Variants in UNK observed in about 807,000 individuals in gnomAD.
UNK encodes the protein RING finger protein unkempt homolog.
A neutral mutation model predicts 97.6 loss-of-function variants in UNK; 32 were observed. That is an observed-to-expected ratio of 0.33 (90% CI 0.25 to 0.44). The LOEUF is 0.44. Ranked by LOEUF, UNK falls within the 20% of genes least tolerant of loss-of-function variation. The probability of loss-of-function intolerance (pLI) is 1.00; values close to 1 mark genes in which losing one functional copy is unlikely to be tolerated. For missense variants in UNK, 771 were observed against 1,098.4 expected (o/e 0.70, Z 4.21); for synonymous variants, 441 against 461.2 (o/e 0.96, Z 0.56).
intron 13 of UNK, chr17:75,821,137 G>A (rs1426617170): frequency 3.5e-6 from 1 of 287,384 alleles, no homozygotes; most frequent in Non-Finnish European, 6.9e-6. Context: ...CTGCAGCCTG[G>A]AACTCCTGAG....
At chr17:75,788,394 G>C (rs2061732830) in intron 1 of UNK, among the ~76,000 whole-genome samples, 1 of 152,136 alleles carries the variant, frequency 6.6e-6, no homozygotes, top group Non-Finnish European at 1.5e-5. Flanking sequence ...TGGCCAGGCT[G>C]ATCTCGAACT....
chr17:75,812,371 C>T, intron 3 of UNK, 83 bp downstream of exon 3: 1 of 1,582,276 alleles, frequency 6.3e-7, no homozygotes, highest in Non-Finnish European at 8.6e-7. Flanking sequence ...GTGAGTACCT[C>T]AGACTGCAGT....
chr17:75,786,576 GC>G (rs1174517279), intron 1 of UNK, among the ~76,000 whole-genome samples: 1 of 152,182 alleles, frequency 6.6e-6, no homozygotes, highest in Non-Finnish European at 1.5e-5. Context: ...TGTCTTTCCT[GC>G]CGGGCGTGGT....
At chr17:75,785,172 G>T in intron 1 of UNK, 188 bp downstream of exon 1, 1 of 518,678 alleles carries the variant, frequency 1.9e-6, no homozygotes, top group Non-Finnish European at 3.4e-6. Flanking sequence ...ACCTCTGGTC[G>T]GGCTGTGGGG....
chr17:75,790,066 C>G lies in UNK; in HGVS notation c.104+5082C>G, dbSNP rs187207737. Among the ~76,000 whole-genome samples the G allele has an allele frequency of 5.4e-3, 815 of 152,264 alleles. 3 individuals are homozygous for G. The highest frequency in any genetic ancestry group is 0.021 in the East Asian group (108 of 5,178). ...GCTGAGGCAGGAGAATCATTTGAAC[C>G]TGGGAGGCGGAGGTTGCAGTGAGCC... On this transcript the variant is annotated intron_variant, in intron 1 of 15. Transcript: ENST00000589666.
At chr17:75,786,042 C>T (rs1176403359) in intron 1 of UNK, 1 of 152,166 alleles carries the variant, frequency 6.6e-6, no homozygotes, top group African/African-American at 2.4e-5. Context: ...TATAGAAGAC[C>T]TTGGGAAACT....
intron 1 of UNK, among the ~76,000 whole-genome samples, chr17:75,791,046 T>C (rs367812270): frequency 3.9e-5 from 6 of 152,230 alleles, no homozygotes; most frequent in African/African-American, 1.4e-4. Context: ...AGACTAATCA[T>C]GTCTTCATGC....
chr17:75,815,619 T>G (rs1186064104), intron 7 of UNK, among the ~76,000 whole-genome samples: 1 of 152,252 alleles, frequency 6.6e-6, no homozygotes, highest in Non-Finnish European at 1.5e-5. Context: ...TCTTCTCTGC[T>G]GAGTCCTGCT....
Position 75,816,473 on chromosome 17 carries a change from G to C in UNK, c.962-297G>C, listed in dbSNP as rs1468954092. Among the ~76,000 whole-genome samples, 2 of 152,178 alleles carry C rather than the reference G, an allele frequency of 1.3e-5. No individual in the cohort carries two copies. Among genetic ancestry groups the C allele is most frequent in the South Asian group, 2.1e-4 (1 of 4,822 alleles). ...CAAGACCCAGCTCCTCTGTGTTTTAGCTCTGTCACTTTGGTGGGTTTACCT... is the reference window on the plus strand; with the variant it reads ...CAAGACCCAGCTCCTCTGTGTTTTACCTCTGTCACTTTGGTGGGTTTACCT... On this transcript the variant is annotated intron_variant, in intron 7 of 15. Transcript: ENST00000589666. The surrounding 1 kb of genome is among the most constrained non-coding windows in gnomAD (Gnocchi z 4.0).
At chr17:75,820,397 G>A (rs1017342929) in intron 13 of UNK, among the ~76,000 whole-genome samples, 1 of 152,228 alleles carries the variant, frequency 6.6e-6, no homozygotes, top group Non-Finnish European at 1.5e-5. Context: ...CGAGGCCAGT[G>A]CAGGTGAGAG....
In UNK at chr17:75,817,730, T is replaced by C. The variant is rs1301267939; in HGVS notation, c.1305+204T>C. On this transcript the variant is annotated intron_variant, in intron 9 of 15. Coordinates refer to ENST00000589666, the MANE Select transcript of UNK (RefSeq NM_001080419.3). The surrounding 1 kb of genome is among the most constrained non-coding windows in gnomAD (Gnocchi z 5.8). Reference sequence around the variant, plus strand: ...GGAAGGCTGGGGAGGCTGCATAGCCTCCCCTGGGCTGCAGAGCTGGTTAGG... The same window carrying C: ...GGAAGGCTGGGGAGGCTGCATAGCCCCCCCTGGGCTGCAGAGCTGGTTAGG... Among the ~76,000 whole-genome samples the C allele has an allele frequency of 6.6e-6, 1 of 151,990 alleles. No homozygotes were observed. The highest frequency in any genetic ancestry group is 1.5e-5 in the Non-Finnish European group (1 of 67,970).
In UNK at chr17:75,816,886, A is replaced by G. The variant is rs746943013; in HGVS notation, c.1078A>G (p.Ser360Gly). The G allele has an allele frequency of 8.1e-6, 13 of 1,605,790 alleles. No homozygotes were observed. The highest frequency in any genetic ancestry group is 1.1e-5 in the South Asian group (1 of 90,600). ...AGDSVPVSPSSPHAPDLSALL... is the reference protein window; with the variant it reads ...AGDSVPVSPSGPHAPDLSALL... ...AGACTCGGTGCCTGTGAGCCCCTCCAGCCCGCATGCCCCTGACCTCAGTGC... is the reference window on the plus strand; with the variant it reads ...AGACTCGGTGCCTGTGAGCCCCTCCGGCCCGCATGCCCCTGACCTCAGTGC... Residue 360 changes from serine to glycine, a missense_variant, in exon 8 of 16, where the codon AGC becomes GGC. Transcript: ENST00000589666. The surrounding 1 kb of genome is among the most constrained non-coding windows in gnomAD (Gnocchi z 4.0).
At chr17:75,810,046 A>T in intron 2 of UNK, 77 bp downstream of exon 2, 1 of 1,552,072 alleles carries the variant, frequency 6.4e-7, no homozygotes, top group Non-Finnish European at 8.8e-7. Context: ...GGCTGGGCAG[A>T]TTCTGGGAAG....
At position 75,813,198 on chromosome 17, in the gene UNK, G is replaced by A. The variant is rs1046519295; in HGVS notation, c.743G>A (p.Arg248Gln). The A allele has an allele frequency of 4.4e-6, 7 of 1,585,786 alleles. No homozygotes were observed. Among genetic ancestry groups the A allele is most frequent in the South Asian group, 2.3e-5 (2 of 87,110 alleles). The stretch of plus-strand genomic sequence containing the variant: ...AGCAAGGACCGGCGGCGGAGCCCCC[G>A]GAAGCACAAATACAGGTCCTTAGGC... ...HNSKDRRRSP[R>Q]KHKYRSSPCP... The change falls in exon 5 of 16, where the codon CGG becomes CAG. Residue 248 changes from arginine to glutamine, a missense_variant. Physicochemically the swap from Arg to Gln is conservative, Grantham distance 43. Around this residue, in one of 5 missense-constraint regions of UNK, gnomAD observed 246 missense variants for 440.7 expected, o/e 0.56. Transcript: ENST00000589666.
chr17:75,801,649 C>G (rs551524873), intron 1 of UNK, among the ~76,000 whole-genome samples: 11 of 151,292 alleles, frequency 7.3e-5, no homozygotes, highest in South Asian at 2.1e-4. Context: ...TGGGCTCAAG[C>G]GATTCTCCTG....
rs2061953038 is a variant in UNK at position 75,809,931 on chromosome 17, G to C, written c.276G>C (p.Lys92Asn). 8.7e-6 allele frequency: 14 copies of C among 1,613,610 alleles called. No homozygotes were observed. Among genetic ancestry groups the C allele is most frequent in the Non-Finnish European group, 1.0e-5 (12 of 1,179,904 alleles). Residue 92 changes from lysine (K) to asparagine (N), a missense_variant, in exon 2 of 16, where the codon AAG becomes AAC. Coordinates refer to ENST00000589666, the MANE Select transcript of UNK (RefSeq NM_001080419.3). The stretch of plus-strand genomic sequence containing the variant: ...ACAGCCCTGACGTCTACTGCACCAA[G>C]TACGACGAGGCTACAGGCCTCTGCC... ...FNYSPDVYCT[K>N]YDEATGLCPE...
intron 1 of UNK, among the ~76,000 whole-genome samples, chr17:75,803,753 G>T (rs933221325): frequency 6.6e-6 from 1 of 152,160 alleles, no homozygotes; most frequent in African/African-American, 2.4e-5. Flanking sequence ...GCCCTGCCGC[G>T]CAGTAGTTTG....
In UNK at chr17:75,817,500, G is replaced by A. The variant is rs1470788480; in HGVS notation, c.1279G>A (p.Glu427Lys). Residue 427 changes from glutamate (E) to lysine (K), a missense_variant, in exon 9 of 16, where the codon GAG (glutamate) becomes AAG (lysine). Physicochemically the swap from Glu to Lys is moderately conservative, Grantham distance 56. This residue lies in a region of UNK where 192 missense variants were observed against 202.4 expected (regional missense o/e 0.95). Coordinates refer to ENST00000589666, the MANE Select transcript of UNK (RefSeq NM_001080419.3). The surrounding 1 kb of genome is among the most constrained non-coding windows in gnomAD (Gnocchi z 5.8). ...GFEREDQVGA[E>K]YLKNFKCQAK... ...CGAGAGGGAAGACCAGGTGGGAGCC[G>A]AGTACCTGAAAAATTTCAAATGCCA... 8.1e-6 allele frequency: 13 copies of A among 1,610,358 alleles called. No individual in the cohort carries two copies. In the Admixed American group the frequency reaches 1.2e-4, roughly 15 times the overall value.
chr17:75,816,883 T>G lies in UNK; in HGVS notation c.1075T>G (p.Ser359Ala). Residue 359 changes from serine to alanine, a missense_variant, in exon 8 of 16, where the codon TCC becomes GCC. By Grantham distance (99) the Ser-to-Ala change is moderately conservative. Transcript: ENST00000589666. This position sits in a 1 kb window ranked among gnomAD's most constrained non-coding sequence, Gnocchi z 4.0. ...AAGDSVPVSP[S>A]SPHAPDLSAL... ...CGGAGACTCGGTGCCTGTGAGCCCCTCCAGCCCGCATGCCCCTGACCTCAG... is the reference window on the plus strand; with the variant it reads ...CGGAGACTCGGTGCCTGTGAGCCCCGCCAGCCCGCATGCCCCTGACCTCAG... The G allele has an allele frequency of 6.2e-7, 1 of 1,606,110 alleles. No homozygotes were observed. The highest frequency in any genetic ancestry group is 8.5e-7 in the Non-Finnish European group (1 of 1,179,226).
Sources: gnomAD v4.1 joint callset for allele counts (sites outside exome capture counted in the v4.1 genomes callset) on GRCh38, gnomAD v4.1.1 for gene constraint, gnomAD v4.1.1 regional missense constraint, Gnocchi (gnomAD v3.1) non-coding constraint, MANE v1.5 for transcripts, NCBI Gene and HGNC (gene_info 2026-07-23, HGNC 2026-07-21) for gene names.